The following RIMS2 variants were observed in gnomAD, a reference collection of about 807,000 sequenced individuals.
The protein encoded by RIMS2 is regulating synaptic membrane exocytosis 2, also known as regulating synaptic membrane exocytosis protein 2.
A neutral mutation model predicts 174.4 loss-of-function variants in RIMS2; 59 were observed. That is an observed-to-expected ratio of 0.34 (90% CI 0.27 to 0.42). The LOEUF (loss-of-function observed/expected upper bound fraction) is 0.42. Among genes scored for constraint, RIMS2 ranks in the 10% least tolerant of loss-of-function variants. The probability of loss-of-function intolerance (pLI) is 1.00; values close to 1 mark genes in which losing one functional copy is unlikely to be tolerated. For missense variants in RIMS2, 1,620 were observed against 1,666.3 expected (o/e 0.97, Z 0.48); for synonymous variants, 606 against 572.5 (o/e 1.06, Z -0.84).
chr8:104,142,382 G>A (rs1599808786), intron 19 of RIMS2, among the ~76,000 whole-genome samples: 2 of 152,078 alleles, frequency 1.3e-5, no homozygotes, highest in East Asian at 1.9e-4. Context: ...ACCCGCCTCG[G>A]CCTCCCAAAG....
chr8:103,526,593 C>G (rs993998789), intron 1 of RIMS2, among the ~76,000 whole-genome samples: 2 of 151,888 alleles, frequency 1.3e-5, no homozygotes, highest in Admixed American at 1.3e-4. Context: ...TGGCAGAGCA[C>G]TATACATCAT....
rs76967110 is a variant in RIMS2, at chr8:103,546,601, A to T, written c.176+45539A>T. The stretch of plus-strand genomic sequence containing the variant: ...TACATTCTTCTCATCTGCACGTGCC[A>T]CATACTCTAAAATTGACCACACAAT... On this transcript the variant is annotated intron_variant, in intron 1 of 23. Transcript: ENST00000504942. Among the ~76,000 whole-genome samples, 39 of 152,342 alleles carry T rather than the reference A, an allele frequency of 2.6e-4. No homozygotes were observed. In the East Asian group the frequency reaches 4.6e-3, roughly 18 times the overall value.
At chr8:103,687,340 T>C (rs1039655360) in intron 1 of RIMS2, among the ~76,000 whole-genome samples, 1 of 151,970 alleles carries the variant, frequency 6.6e-6, no homozygotes, top group Non-Finnish European at 1.5e-5. Flanking sequence ...TTCATCATTC[T>C]AACTCGAGGT....
chr8:103,585,574 C>T (rs1238376441), intron 1 of RIMS2, among the ~76,000 whole-genome samples: 1 of 152,098 alleles, frequency 6.6e-6, no homozygotes, highest in Non-Finnish European at 1.5e-5. Context: ...GACTTCATGT[C>T]CTTTGCAGGG....
Position 103,874,087 on chromosome 8 carries a change from A to G in RIMS2, c.699-11211A>G, listed in dbSNP as rs1342355198. ...CCTAGAACCTAATTTCTTTATTTCT[A>G]TTTTTAATTATCACTATGTGGATAT... On this transcript the variant is annotated intron_variant, in intron 3 of 23. Coordinates refer to ENST00000504942, the Ensembl canonical transcript of RIMS2. 3.9e-5 allele frequency among the ~76,000 whole-genome samples: 6 copies of G among 152,014 alleles called. No homozygotes were observed. In the South Asian group the frequency reaches 1.0e-3, roughly 26 times the overall value.
intron 1 of RIMS2, among the ~76,000 whole-genome samples, chr8:103,570,346 G>A (rs2092715675): frequency 6.6e-6 from 1 of 152,230 alleles, no homozygotes; most frequent in East Asian, 1.9e-4. Flanking sequence ...AAAATTATGA[G>A]TTATCACATG....
intron 17 of RIMS2, among the ~76,000 whole-genome samples, chr8:104,006,275 C>T (rs956725364): frequency 1.5e-4 from 23 of 151,984 alleles, no homozygotes; most frequent in African/African-American, 4.8e-4. Context: ...TCTGGCTGGG[C>T]GCGGTAGCTC....
chr8:104,019,630 G>A (rs2096031016), intron 19 of RIMS2, among the ~76,000 whole-genome samples: 2 of 152,142 alleles, frequency 1.3e-5, no homozygotes, highest in Non-Finnish European at 2.9e-5. Context: ...AAACAGGCAA[G>A]TTTAATTGCA....
At chr8:103,767,671 G>A (rs1485673391) in intron 3 of RIMS2, among the ~76,000 whole-genome samples, 1 of 152,162 alleles carries the variant, frequency 6.6e-6, no homozygotes, top group Non-Finnish European at 1.5e-5. Flanking sequence ...GTTCTAACAA[G>A]TAAGACCACT....
At chr8:104,232,015 C>T (rs1024475076) in intron 19 of RIMS2, among the ~76,000 whole-genome samples, 1 of 148,714 alleles carries the variant, frequency 6.7e-6, no homozygotes, top group African/African-American at 2.5e-5. Context: ...TACTACCACT[C>T]ATAAAGCACT....
Position 103,973,755 on chromosome 8 carries a change from G to A in RIMS2, c.2771-1595G>A, listed in dbSNP as rs140055002. Among the ~76,000 whole-genome samples, 479 of 152,264 alleles carry A rather than the reference G, an allele frequency of 3.1e-3. 2 individuals carry two copies. Among genetic ancestry groups the A allele is most frequent in the African/African-American group, 0.01 (435 of 41,556 alleles). On this transcript the variant is annotated intron_variant, in intron 15 of 23. Coordinates refer to ENST00000504942, the Ensembl canonical transcript of RIMS2. Reference sequence around the variant, plus strand: ...GTATTTCTCTGGTTTGCTGCATCCCGCTGTGTTAGTGAACTTTACATTCAA... The same window carrying A: ...GTATTTCTCTGGTTTGCTGCATCCCACTGTGTTAGTGAACTTTACATTCAA...
chr8:103,543,933 A>AT (rs1249843025), intron 1 of RIMS2, among the ~76,000 whole-genome samples: 3 of 152,212 alleles, frequency 2.0e-5, no homozygotes, highest in African/African-American at 4.8e-5. Flanking sequence ...CTGTGCAATG[A>AT]TTTTTTTAGA....
chr8:103,989,398 C>T, exon 17 of RIMS2: 1 of 1,591,060 alleles, frequency 6.3e-7, no homozygotes, highest in Non-Finnish European at 8.6e-7. Context: ...TCATGGATGA[C>T]CATTATTCTC....
chr8:104,230,426 G>C (rs533367267), intron 19 of RIMS2, among the ~76,000 whole-genome samples: 4 of 152,098 alleles, frequency 2.6e-5, no homozygotes, highest in African/African-American at 9.6e-5. Context: ...CAGGTGGATC[G>C]CCTGAGGTCA....
intron 14 of RIMS2, among the ~76,000 whole-genome samples, chr8:103,953,991 T>G (rs756328734): frequency 6.6e-6 from 1 of 151,558 alleles, no homozygotes; most frequent in African/African-American, 2.4e-5. Flanking sequence ...CCAACAAAGA[T>G]CAAAAGAGAC....
At chr8:103,825,002 T>C (rs1206581858) in intron 3 of RIMS2, among the ~76,000 whole-genome samples, 1 of 152,210 alleles carries the variant, frequency 6.6e-6, no homozygotes, top group Non-Finnish European at 1.5e-5. Flanking sequence ...ATCTAGGGTC[T>C]GCTGCTTACT....
chr8:104,165,467 A>G (rs1442084627), intron 19 of RIMS2, among the ~76,000 whole-genome samples: 1 of 151,976 alleles, frequency 6.6e-6, no homozygotes, highest in Non-Finnish European at 1.5e-5. Flanking sequence ...GTAAAATGTC[A>G]TATAAATATA....
rs556495387 is a variant in RIMS2, at chr8:104,065,763, A to ATAT, written c.3334+51150_3334+51151insTTA. On this transcript the variant is annotated intron_variant, in intron 19 of 23. Transcript: ENST00000504942. ...TGAGATTTCATTGGTTAAGACTCTA[A>ATAT]TAAAGAATTTTCCAATTTGGGAACT... 7.9e-5 allele frequency among the ~76,000 whole-genome samples: 12 copies of ATAT among 152,252 alleles called. No individual in the cohort carries two copies. In the South Asian group the frequency reaches 2.5e-3, roughly 32 times the overall value.
At chr8:103,998,599 A>G (rs1324869447) in intron 17 of RIMS2, among the ~76,000 whole-genome samples, 1 of 151,720 alleles carries the variant, frequency 6.6e-6, no homozygotes, top group Non-Finnish European at 1.5e-5. Context: ...AGCAGAGTCC[A>G]TAATTAGGTA....
Sources: allele counts gnomAD v4.1 joint callset (sites outside exome capture counted in the v4.1 genomes callset), GRCh38; gene constraint gnomAD v4.1.1; transcripts MANE v1.5; gene names NCBI Gene and HGNC (gene_info 2026-07-23, HGNC 2026-07-21).